CD1E: variants seen among roughly 807,000 people sequenced by gnomAD.
CD1E encodes T-cell surface glycoprotein CD1e, membrane-associated.
CD1E carries 49 observed loss-of-function variants against 40.1 expected under a neutral mutation model. The ratio of observed to expected loss-of-function variants is 1.22; its 90% CI spans 0.97 to 1.55. The LOEUF (loss-of-function observed/expected upper bound fraction) is 1.55. CD1E is among the 40% of genes most tolerant of loss of function. The pLI is 0.00. For synonymous variants in CD1E, 189 were observed against 178.3 expected (o/e 1.06, Z -0.48); for missense variants, 492 against 471.3 (o/e 1.04, Z -0.41).
In CD1E at chr1:158,354,039, T is replaced by G. The variant is rs2101599980; in HGVS notation, c.51T>G (p.Asn17Lys). The change falls in exon 1 of 6, where the codon AAT (asparagine) becomes AAG (lysine). Residue 17 changes from asparagine (N) to lysine (K), a missense_variant. Transcript: ENST00000368167. ...LFEGLCCPGENTAAPQALQSY... is the reference protein window; with the variant it reads ...LFEGLCCPGEKTAAPQALQSY... ...AGGGTCTCTGCTGTCCTGGGGAAAA[T>G]ACAGCAGGTAAGAAGAGTGCAGGTG... The G allele has an allele frequency of 6.2e-7, 1 of 1,613,516 alleles. No individual in the cohort carries two copies. Among genetic ancestry groups the G allele is most frequent in the Admixed American group, 1.7e-5 (1 of 60,024 alleles).
In CD1E at chr1:158,356,931, G is replaced by A. The variant is rs1463425448; in HGVS notation, c.*35G>A. 6.3e-7 allele frequency: 1 copy of A among 1,579,918 alleles called. No individual in the cohort carries two copies. The highest frequency in any genetic ancestry group is 1.7e-5 in the Admixed American group (1 of 59,938). ...TACCTTATACATAAAATCCTTGTCT[G>A]CATCTTCTTAAACACCGTCCATGTC... On this transcript the variant is annotated 3_prime_UTR_variant, in exon 6 of 6. Transcript: ENST00000368167.
rs772321585 is a variant in CD1E at position 158,354,502 on chromosome 1, C to G, written c.184C>G (p.Leu62Val). Reference sequence around the variant, plus strand: ...TGAGGGCTCAGGATGGCTGGGTGACCTGCAGACTCATGGCTGGGACACTGT... The same window carrying G: ...TGAGGGCTCAGGATGGCTGGGTGACGTGCAGACTCATGGCTGGGACACTGT... ...HSEGSGWLGDLQTHGWDTVLG... is the reference protein window; with the variant it reads ...HSEGSGWLGDVQTHGWDTVLG... Residue 62 changes from leucine to valine, a missense_variant, in exon 2 of 6, where the codon CTG becomes GTG. Transcript: ENST00000368167. 1 of 1,614,172 alleles carries G rather than the reference C, an allele frequency of 6.2e-7. No homozygotes were observed. Among genetic ancestry groups the G allele is most frequent in the Non-Finnish European group, 8.5e-7 (1 of 1,180,032 alleles).
chr1:158,355,743 T>A, intron 3 of CD1E, 84 bp from the exon 4 acceptor site: 1 of 1,466,552 alleles, frequency 6.8e-7, no homozygotes, highest in Non-Finnish European at 9.1e-7. Flanking sequence ...ACTCTTAGTA[T>A]TATTACAAAG....
intron 2 of CD1E, 111 bp from the exon 3 acceptor site, chr1:158,355,189 A>G (rs1378039466): frequency 1.9e-6 from 2 of 1,067,732 alleles, no homozygotes; most frequent in Non-Finnish European, 2.7e-6. Flanking sequence ...TAGTCTCCAT[A>G]TGATTTCCCA....
At chr1:158,354,159 A>G in intron 1 of CD1E, 113 bp downstream of exon 1, 5 of 1,013,714 alleles carry the variant, frequency 4.9e-6, no homozygotes, top group Non-Finnish European at 7.6e-6. Flanking sequence ...TGCCCTTGGA[A>G]TATGCCTTTC....
In CD1E at chr1:158,356,800, C is replaced by T. The variant is rs1291991554; in HGVS notation, c.1071C>T (p.Thr357=). ...VFLMGANTQD[T]KNSRHQFCLA... is the part of the protein sequence containing the mutation. Reference sequence around the variant, plus strand: ...TCATGGGAGCCAACACTCAGGACACCAAGAATTCAAGACATCAGTTCTGCT... The same window carrying T: ...TCATGGGAGCCAACACTCAGGACACTAAGAATTCAAGACATCAGTTCTGCT... The change falls in exon 6 of 6, where the codon ACC becomes ACT. Residue 357 remains threonine (T), a synonymous_variant. Transcript: ENST00000368167. The T allele has an allele frequency of 1.2e-6, 2 of 1,613,676 alleles. No individual in the cohort carries two copies. The highest frequency in any genetic ancestry group is 1.3e-5 in the African/African-American group (1 of 74,826).
rs949652300 is a variant in CD1E at position 158,357,282 on chromosome 1, T to C, written c.*386T>C. On this transcript the variant is annotated 3_prime_UTR_variant, in exon 6 of 6. Coordinates refer to ENST00000368167, the MANE Select transcript of CD1E (RefSeq NM_030893.4). ...TTGCTTGAAAGTAGGATTTAGGTAT[T>C]TGTGTCTGTATTCATGACCAAAAAT... 1 of 169,254 alleles carries C rather than the reference T, an allele frequency of 5.9e-6. No homozygotes were observed. The highest frequency in any genetic ancestry group is 2.4e-5 in the African/African-American group (1 of 41,650). The allele number at this position is 169,254 out of a possible 1,614,324, so 10.5% of individuals were successfully genotyped here. A position where few individuals can be genotyped will look rare whatever the true frequency, so the allele number is the denominator to read the frequency against.
rs751714233 is a variant in CD1E at position 158,354,677 on chromosome 1, A to G, written c.355+4A>G. ...GCTGGTCAATTTCAGCTTGAATGTA[A>G]GTTCGTTGCTCTAAGCTGATAATTT... On this transcript the variant is annotated splice_donor_region_variant and intron_variant, in intron 2 of 5. Coordinates refer to ENST00000368167, the MANE Select transcript of CD1E (RefSeq NM_030893.4). The G allele has an allele frequency of 4.4e-6, 7 of 1,609,138 alleles. No homozygotes were observed. The South Asian group carries it at 7.8e-5, about 18-fold the overall frequency.
chr1:158,355,148 ACAAATTTTCTTCC>A lies in CD1E; in HGVS notation c.356-150_356-138del. ...TTTATTATCTTCAAATTTTCTTCCCACAAATTTTCTTCCCCTTTGCCAGTAAACTCTAGTCTCC... is the reference window on the plus strand; with the variant it reads ...TTTATTATCTTCAAATTTTCTTCCCACCTTTGCCAGTAAACTCTAGTCTCC... On this transcript the variant is annotated intron_variant, in intron 2 of 5. Coordinates refer to ENST00000368167, the MANE Select transcript of CD1E (RefSeq NM_030893.4). 70 of 387,874 alleles carry A rather than the reference ACAAATTTTCTTCC, an allele frequency of 1.8e-4. 3 individuals are homozygous for A. Among genetic ancestry groups the A allele is most frequent in the African/African-American group, 5.7e-4 (5 of 8,794 alleles). 24.0% of individuals were successfully genotyped at this position (387,874 alleles called of 1,614,324 possible).
At position 158,354,681 on chromosome 1, in the gene CD1E, C is replaced by A; in HGVS notation, c.355+8C>A. 1 of 1,607,274 alleles carries A rather than the reference C, an allele frequency of 6.2e-7. No individual in the cohort carries two copies. The highest frequency in any genetic ancestry group is 1.1e-5 in the South Asian group (1 of 89,776). ...GTCAATTTCAGCTTGAATGTAAGTTCGTTGCTCTAAGCTGATAATTTGCCT... is the reference window on the plus strand; with the variant it reads ...GTCAATTTCAGCTTGAATGTAAGTTAGTTGCTCTAAGCTGATAATTTGCCT... On this transcript the variant is annotated splice_region_variant and intron_variant, in intron 2 of 5. Transcript: ENST00000368167.
intron 4 of CD1E, 91 bp from the exon 5 acceptor site, chr1:158,356,407 C>T: frequency 9.4e-7 from 1 of 1,061,824 alleles, no homozygotes; most frequent in Non-Finnish European, 1.4e-6. Flanking sequence ...GATGAAAATT[C>T]TAGGAAGGTC....
chr1:158,354,633 C>G lies in CD1E; in HGVS notation c.315C>G (p.Ile105Met). Residue 105 changes from isoleucine (I) to methionine (M), a missense_variant, in exon 2 of 6, where the codon ATC (isoleucine) becomes ATG (methionine). By Grantham distance (10) the Ile-to-Met change is conservative. Transcript: ENST00000368167. The stretch of plus-strand genomic sequence containing the variant: ...TCCAGTTATACTTCCATAGTTTTAT[C>G]CAGATAGTGCAAGCTTCTGCTGGTC... The part of the protein sequence containing the change: ...SLFQLYFHSF[I>M]QIVQASAGQF... 1 of 1,614,046 alleles carries G rather than the reference C, an allele frequency of 6.2e-7. No individual in the cohort carries two copies. The highest frequency in any genetic ancestry group is 8.5e-7 in the Non-Finnish European group (1 of 1,179,960).
Position 158,354,033 on chromosome 1 carries a change from G to T in CD1E, c.45G>T (p.Gly15=). ...TCTTCGAGGGTCTCTGCTGTCCTGG[G>T]GAAAATACAGCAGGTAAGAAGAGTG... ...FLLFEGLCCP[G]ENTAAPQALQ... is the part of the protein sequence containing the mutation. Residue 15 remains glycine (G), a synonymous_variant, in exon 1 of 6, where the codon GGG becomes GGT. Transcript: ENST00000368167. 1 of 1,613,860 alleles carries T rather than the reference G, an allele frequency of 6.2e-7. No homozygotes were observed. The highest frequency in any genetic ancestry group is 1.1e-5 in the South Asian group (1 of 91,070).
rs951337258 is a variant in CD1E at position 158,354,310 on chromosome 1, T to C, written c.59-67T>C. The C allele has an allele frequency of 2.7e-6, 4 of 1,473,002 alleles. No individual in the cohort carries two copies. In the Admixed American group the frequency reaches 8.8e-5, roughly 32 times the overall value. The allele number at this position is 1,473,002 out of a possible 1,614,324, so 91.2% of individuals were successfully genotyped here. On this transcript the variant is annotated intron_variant, in intron 1 of 5. Transcript: ENST00000368167. ...CTGTCTCTCATCTCTGGGTTCCTTT[T>C]TTCCCTTTGGCATCACTTTTCCCAT...
chr1:158,354,163 G>C (rs1010201791), intron 1 of CD1E, 117 bp downstream of exon 1: 2 of 980,828 alleles, frequency 2.0e-6, no homozygotes, highest in Non-Finnish European at 3.1e-6. Flanking sequence ...CTTGGAATAT[G>C]CCTTTCAGGC....
At chr1:158,356,473 G>T (rs1212413173) in intron 4 of CD1E, 25 bp from the exon 5 acceptor site, 1 of 1,530,658 alleles carries the variant, frequency 6.5e-7, no homozygotes, top group South Asian at 1.1e-5. Context: ...TTTAGGGTTG[G>T]TATTCTTATT....
Position 158,356,036 on chromosome 1 carries a change from G to C in CD1E, c.835G>C (p.Glu279Gln). 1 of 1,614,128 alleles carries C rather than the reference G, an allele frequency of 6.2e-7. No individual in the cohort carries two copies. Among genetic ancestry groups the C allele is most frequent in the Non-Finnish European group, 8.5e-7 (1 of 1,179,996 alleles). Residue 279 changes from glutamate (E) to glutamine (Q), a missense_variant, in exon 4 of 6, where the codon GAG becomes CAG. By Grantham distance (29) the Glu-to-Gln change is conservative. Coordinates refer to ENST00000368167, the MANE Select transcript of CD1E (RefSeq NM_030893.4). ...AGCAACCCTGGATGTGGCGGCTGGG[G>C]AGGCAGCTGGCCTGTCCTGTCGGGT... is the stretch of plus-strand genomic sequence containing the variant. ...LRATLDVAAG[E>Q]AAGLSCRVKH...
Position 158,356,016 on chromosome 1 carries a change from C to G in CD1E, c.815C>G (p.Thr272Ser). The change falls in exon 4 of 6, where the codon ACC becomes AGC. Residue 272 changes from threonine to serine, a missense_variant. Coordinates refer to ENST00000368167, the MANE Select transcript of CD1E (RefSeq NM_030893.4). ...GACGAGACATGGTATCTCCGAGCAA[C>G]CCTGGATGTGGCGGCTGGGGAGGCA... ...NADETWYLRA[T>S]LDVAAGEAAG... 1 of 1,614,130 alleles carries G rather than the reference C, an allele frequency of 6.2e-7. No homozygotes were observed. Among genetic ancestry groups the G allele is most frequent in the South Asian group, 1.1e-5 (1 of 91,072 alleles).
In CD1E at chr1:158,355,992, A is replaced by G. The variant is rs1351037441; in HGVS notation, c.791A>G (p.Asp264Gly). Residue 264 changes from aspartate to glycine, a missense_variant, in exon 4 of 6, where the codon GAC becomes GGC. Asp to Gly is a moderately conservative substitution (Grantham distance 94). Transcript: ENST00000368167. The stretch of plus-strand genomic sequence containing the variant: ...CGAGGGGACGTCCTGCCTAATGCTG[A>G]CGAGACATGGTATCTCCGAGCAACC... ...TQRGDVLPNADETWYLRATLD... is the reference protein window; with the variant it reads ...TQRGDVLPNAGETWYLRATLD... 5.6e-6 allele frequency: 9 copies of G among 1,614,150 alleles called. No individual in the cohort carries two copies. The highest frequency in any genetic ancestry group is 2.7e-5 in the African/African-American group (2 of 75,042).
Sources: allele counts gnomAD v4.1 joint callset, GRCh38; gene constraint gnomAD v4.1.1; transcripts MANE v1.5; gene names NCBI Gene and HGNC (gene_info 2026-07-23, HGNC 2026-07-21).